Variants in COL19A1 observed in about 807,000 individuals in gnomAD.
COL19A1 encodes collagen type XIX alpha 1 chain, also known as collagen alpha-1(XIX) chain.
Under a neutral mutation model 190.2 loss-of-function variants are expected in COL19A1, and 159 were observed. That is an observed-to-expected ratio of 0.84 (90% CI 0.73 to 0.95). The LOEUF (loss-of-function observed/expected upper bound fraction) is 0.95. COL19A1 is among the 40% of genes least tolerant of loss of function. COL19A1 has a pLI of 0.00. For missense variants in COL19A1, 1,418 were observed against 1,431.9 expected, an observed-to-expected ratio of 0.99 and a Z score of 0.16; for synonymous variants, 509 against 458.9, an observed-to-expected ratio of 1.11 and a Z score of -1.39.
intron 17 of COL19A1, among the ~76,000 whole-genome samples, chr6:70,124,282 T>C (rs1390165863): frequency 6.6e-6 from 1 of 152,168 alleles, no homozygotes; most frequent in Non-Finnish European, 1.5e-5. Flanking sequence ...TTGGCTCTGA[T>C]GTCACAGTGT....
At chr6:69,975,290 G>A (rs1775654176) in intron 11 of COL19A1, among the ~76,000 whole-genome samples, 1 of 152,290 alleles carries the variant, frequency 6.6e-6, no homozygotes, top group East Asian at 1.9e-4. Flanking sequence ...TGTACTGTTA[G>A]TGTAATGCTC....
In COL19A1 at chr6:69,927,911, A is replaced by G; in HGVS notation, c.269A>G (p.Lys90Arg). 6.2e-7 allele frequency: 1 copy of G among 1,604,072 alleles called. No homozygotes were observed. The change falls in exon 5 of 51, where the codon AAG becomes AGG. Residue 90 changes from lysine (K) to arginine (R), a missense_variant and splice_region_variant. Lys to Arg is a conservative substitution (Grantham distance 26, BLOSUM62 2). Transcript: ENST00000620364. ...GSALLIRDTI[K>R]IFPKGLPEEY... The stretch of plus-strand genomic sequence containing the variant: ...AGTTCTTTGTTTTCCTCCCACAGTA[A>G]GATATTTCCCAAAGGCCTTCCTGAG...
At chr6:70,047,824 T>G (rs925064692) in intron 14 of COL19A1, among the ~76,000 whole-genome samples, 7 of 152,142 alleles carry the variant, frequency 4.6e-5, no homozygotes, top group Non-Finnish European at 8.8e-5. Context: ...ATGAGTGAAA[T>G]GAGACAGTTG....
intron 14 of COL19A1, among the ~76,000 whole-genome samples, chr6:70,038,964 G>T (rs115992162): frequency 1.3e-5 from 2 of 152,068 alleles, no homozygotes; most frequent in Non-Finnish European, 2.9e-5. Flanking sequence ...GGCTGAGTCA[G>T]GGGAATTGCT....
intron 16 of COL19A1, among the ~76,000 whole-genome samples, chr6:70,103,508 C>T (rs1026715347): frequency 8.5e-5 from 13 of 152,316 alleles, no homozygotes; most frequent in African/African-American, 2.9e-4. Flanking sequence ...TCCACATCCT[C>T]TACATGCCAT....
intron 14 of COL19A1, among the ~76,000 whole-genome samples, chr6:70,050,494 A>G (rs1190443331): frequency 6.6e-6 from 1 of 152,102 alleles, no homozygotes; most frequent in Non-Finnish European, 1.5e-5. Context: ...CCAGAGACTA[A>G]AAGTATTTGA....
chr6:70,208,899 G>A lies in COL19A1; in HGVS notation c.*1625G>A, dbSNP rs1053095118. ...TTCATTATAGATTAATGAACTGCTG[G>A]TCAGGTACTGTCTACAATGGCTGTG... On this transcript the variant is annotated 3_prime_UTR_variant, in exon 51 of 51. Coordinates refer to ENST00000620364, the MANE Select transcript of COL19A1 (RefSeq NM_001858.6). The A allele has an allele frequency of 6.6e-6, 1 of 152,622 alleles. No homozygotes were observed. The highest frequency in any genetic ancestry group is 1.5e-5 in the Non-Finnish European group (1 of 68,040). The allele number at this position is 152,622 out of a possible 1,614,324, so 9.5% of individuals were successfully genotyped here.
At chr6:69,897,287 C>A (rs889662653) in intron 2 of COL19A1, among the ~76,000 whole-genome samples, 8 of 152,254 alleles carry the variant, frequency 5.3e-5, no homozygotes. Flanking sequence ...GGAGACCATA[C>A]GTTTTGGGTT....
chr6:70,028,104 C>T (rs1032646639), intron 12 of COL19A1, among the ~76,000 whole-genome samples: 7 of 152,070 alleles, frequency 4.6e-5, no homozygotes, highest in Admixed American at 2.0e-4. Context: ...GGGGTTCAGT[C>T]AGCTGAAATG....
intron 12 of COL19A1, among the ~76,000 whole-genome samples, chr6:70,029,420 C>G (rs1041893715): frequency 6.6e-6 from 1 of 152,102 alleles, no homozygotes; most frequent in African/African-American, 2.4e-5. Flanking sequence ...GAATCAACTA[C>G]TGTGCTTTTG....
At chr6:70,073,040 T>C (rs1781655194) in intron 15 of COL19A1, among the ~76,000 whole-genome samples, 1 of 151,904 alleles carries the variant, frequency 6.6e-6, no homozygotes, top group African/African-American at 2.4e-5. Context: ...CAGGCTGCAG[T>C]GCAGTGGTGC....
At chr6:70,040,150 C>T (rs1002845693) in intron 14 of COL19A1, among the ~76,000 whole-genome samples, 3 of 151,920 alleles carry the variant, frequency 2.0e-5, no homozygotes, top group Non-Finnish European at 1.5e-5. Flanking sequence ...CACATAGAAC[C>T]AGTTCATCAA....
At chr6:70,175,010 G>A (rs1183057681) in intron 41 of COL19A1, among the ~76,000 whole-genome samples, 2 of 152,186 alleles carry the variant, frequency 1.3e-5, no homozygotes, top group African/African-American at 4.8e-5. Flanking sequence ...AGTGGTTAAG[G>A]AATGAGAGGC....
chr6:70,170,108 T>C (rs1206777010), intron 40 of COL19A1, among the ~76,000 whole-genome samples: 2 of 152,108 alleles, frequency 1.3e-5, no homozygotes, highest in Non-Finnish European at 2.9e-5. Context: ...TTTAGAGATG[T>C]GAATTGAGTG....
chr6:70,139,421 A>G (rs375516563), intron 19 of COL19A1, among the ~76,000 whole-genome samples: 26 of 152,044 alleles, frequency 1.7e-4, no homozygotes, highest in African/African-American at 6.0e-4. Flanking sequence ...TTTTCCTTAA[A>G]TAGAGCTTCT....
chr6:69,866,971 C>T (rs1345252584), intron 1 of COL19A1, among the ~76,000 whole-genome samples: 1 of 152,032 alleles, frequency 6.6e-6, no homozygotes, highest in Non-Finnish European at 1.5e-5. Flanking sequence ...CTATGTGTGT[C>T]TGTGAAGCGG....
chr6:70,172,433 G>T (rs940287110), intron 41 of COL19A1, among the ~76,000 whole-genome samples: 1 of 152,062 alleles, frequency 6.6e-6, no homozygotes, highest in African/African-American at 2.4e-5. Flanking sequence ...AGAGACCAGG[G>T]GAGGGAGTGA....
At chr6:70,141,862 A>G in intron 20 of COL19A1, 31 bp from the exon 21 acceptor site, 7 of 1,429,438 alleles carry the variant, frequency 4.9e-6, no homozygotes, top group Non-Finnish European at 6.9e-6. Context: ...GAATTTAAGC[A>G]TTACCCTTAT....
rs184474351 is a variant in COL19A1 at position 70,117,255 on chromosome 6, G to A, written c.1279-4625G>A. Among the ~76,000 whole-genome samples the A allele has an allele frequency of 2.0e-4, 30 of 152,276 alleles. No homozygotes were observed. In the East Asian group the frequency reaches 4.2e-3, roughly 22 times the overall value. ...TATTGCTCTTTAGGCTAAGTATACC[G>A]GGTGAATTGGCTAAAAAGTGAAAAT... is the stretch of plus-strand genomic sequence containing the variant. On this transcript the variant is annotated intron_variant, in intron 16 of 50. Transcript: ENST00000620364.
Sources: allele counts gnomAD v4.1 joint callset (sites outside exome capture counted in the v4.1 genomes callset), GRCh38; gene constraint gnomAD v4.1.1; transcripts MANE v1.5; gene names NCBI Gene and HGNC (gene_info 2026-07-23, HGNC 2026-07-21).